PDE1A: variants seen among roughly 807,000 people sequenced by gnomAD.
PDE1A encodes the protein dual specificity calcium/calmodulin-dependent 3',5'-cyclic nucleotide phosphodiesterase 1A.
Under a neutral mutation model 61.7 loss-of-function variants are expected in PDE1A, and 35 were observed. That is an observed-to-expected ratio of 0.57 (90% confidence interval 0.43 to 0.75). The LOEUF (loss-of-function observed/expected upper bound fraction) is 0.75. Among genes scored for constraint, PDE1A ranks in the 30% least tolerant of loss-of-function variants. PDE1A has a pLI of 0.00. For missense variants in PDE1A, 597 were observed against 630.6 expected (o/e 0.95, Z 0.57); for synonymous variants, 232 against 213.2 (o/e 1.09, Z -0.77).
At chr2:182,234,591 A>G in intron 3 of PDE1A, 93 bp from the exon 4 acceptor site, 2 of 792,140 alleles carry the variant, frequency 2.5e-6, no homozygotes, top group Non-Finnish European at 4.3e-6. Flanking sequence ...TACTTTTGAC[A>G]TGTTCACCTC....
At chr2:182,414,413 T>TC (rs1451031144) in intron 1 of PDE1A, among the ~76,000 whole-genome samples, 2 of 151,946 alleles carry the variant, frequency 1.3e-5, no homozygotes, top group African/African-American at 4.8e-5. Context: ...TACCTAGGAG[T>TC]CCTAAGGCCA....
chr2:182,195,965 T>C (rs1686103056), intron 10 of PDE1A, among the ~76,000 whole-genome samples: 1 of 152,116 alleles, frequency 6.6e-6, no homozygotes, highest in African/African-American at 2.4e-5. Context: ...TTCAGGTTCA[T>C]TGCTTATTTA....
chr2:182,607,196 T>C, the PDE1A span, among the ~76,000 whole-genome samples: 6 of 152,206 alleles, frequency 3.9e-5, no homozygotes, highest in Non-Finnish European at 5.9e-5. Flanking sequence ...AGTTCCTTGA[T>C]ACTATCTGGG....
the PDE1A span, among the ~76,000 whole-genome samples, chr2:182,531,462 A>T: frequency 2.0e-5 from 3 of 152,006 alleles, no homozygotes; most frequent in Non-Finnish European, 2.9e-5. Flanking sequence ...ATTTTAAAGC[A>T]AAAATTATTA....
At chr2:182,279,468 G>C (rs1304201413) in intron 1 of PDE1A, among the ~76,000 whole-genome samples, 1 of 151,866 alleles carries the variant, frequency 6.6e-6, no homozygotes, top group Non-Finnish European at 1.5e-5. Context: ...TTAAAATCCT[G>C]CTTTCTTTTT....
At chr2:182,192,643 T>A (rs913240593) in intron 10 of PDE1A, among the ~76,000 whole-genome samples, 2 of 152,112 alleles carry the variant, frequency 1.3e-5, no homozygotes, top group Non-Finnish European at 2.9e-5. Context: ...GGTTTCGCTG[T>A]CATTTGAGGA....
the PDE1A span, among the ~76,000 whole-genome samples, chr2:182,684,898 T>C: frequency 6.6e-6 from 1 of 152,088 alleles, no homozygotes; most frequent in African/African-American, 2.4e-5. Flanking sequence ...GTCATTCATA[T>C]ATACGTATAT....
intron 1 of PDE1A, among the ~76,000 whole-genome samples, chr2:182,380,047 C>T (rs1700635123): frequency 6.6e-6 from 1 of 151,688 alleles, no homozygotes; most frequent in African/African-American, 2.4e-5. Flanking sequence ...TCTACATTTA[C>T]CTATTTTCTC....
intron 13 of PDE1A, among the ~76,000 whole-genome samples, chr2:182,176,436 T>A (rs926583177): frequency 6.9e-6 from 1 of 144,728 alleles, no homozygotes; most frequent in African/African-American, 2.8e-5. Context: ...TATTTTATTC[T>A]CTTTGAAGCA....
chr2:182,411,453 CCTCTAAGAA>C (rs1702610714), intron 1 of PDE1A, among the ~76,000 whole-genome samples: 1 of 152,104 alleles, frequency 6.6e-6, no homozygotes, highest in South Asian at 2.1e-4. Context: ...ATGAATAGTG[CCTCTAAGAA>C]CATGCTTGTA....
At chr2:182,416,046 A>G (rs1218745014) in intron 1 of PDE1A, among the ~76,000 whole-genome samples, 1 of 152,126 alleles carries the variant, frequency 6.6e-6, no homozygotes, top group Non-Finnish European at 1.5e-5. Context: ...TCTTTCTCTA[A>G]CTTCCTGTGA....
intron 1 of PDE1A, among the ~76,000 whole-genome samples, chr2:182,265,362 T>C (rs753400507): frequency 9.2e-5 from 14 of 152,120 alleles, no homozygotes; most frequent in Non-Finnish European, 1.3e-4. Context: ...ATTCACTGTA[T>C]AAAGCAATAA....
chr2:182,387,417 A>T (rs935879772), intron 1 of PDE1A, among the ~76,000 whole-genome samples: 2 of 151,700 alleles, frequency 1.3e-5, no homozygotes, highest in African/African-American at 4.8e-5. Flanking sequence ...TGATCAATAA[A>T]AAAAAAAAAA....
chr2:182,238,157 T>C (rs565746548), intron 3 of PDE1A, among the ~76,000 whole-genome samples: 135 of 150,890 alleles, frequency 8.9e-4, no homozygotes, highest in African/African-American at 3.2e-3. Flanking sequence ...TAGTCCCAGC[T>C]ACTCGGGAGG....
the PDE1A span, among the ~76,000 whole-genome samples, chr2:182,671,060 C>T: frequency 8.0e-3 from 1,216 of 152,206 alleles, 14 homozygotes; most frequent in African/African-American, 0.028. Context: ...CCAAGTGATC[C>T]GCCCACCTTG....
chr2:182,615,930 T>C, the PDE1A span, among the ~76,000 whole-genome samples: 1 of 152,216 alleles, frequency 6.6e-6, no homozygotes, highest in Non-Finnish European at 1.5e-5. Flanking sequence ...CAATCACCTC[T>C]TAAAGGTCTC....
At chr2:182,658,764 C>A in the PDE1A span, among the ~76,000 whole-genome samples, 1 of 152,178 alleles carries the variant, frequency 6.6e-6, no homozygotes, top group African/African-American at 2.4e-5. Flanking sequence ...CTCAGTCATT[C>A]AACATTTTAT....
chr2:182,672,371 C>G, the PDE1A span, among the ~76,000 whole-genome samples: 1 of 152,178 alleles, frequency 6.6e-6, no homozygotes, highest in African/African-American at 2.4e-5. Context: ...TTACTTTTCA[C>G]CAGCCCAATA....
chr2:182,604,056 G>A, the PDE1A span, among the ~76,000 whole-genome samples: 2 of 151,810 alleles, frequency 1.3e-5, no homozygotes, highest in African/African-American at 4.8e-5. Context: ...TTTTCCTAAA[G>A]TATACATGCC....
Sources: allele counts gnomAD v4.1 joint callset (sites outside exome capture counted in the v4.1 genomes callset), GRCh38; gene constraint gnomAD v4.1.1; transcripts MANE v1.5; gene names NCBI Gene and HGNC (gene_info 2026-07-23, HGNC 2026-07-21).